LDLRAD3: variants seen among roughly 807,000 people sequenced by gnomAD.
The protein encoded by LDLRAD3 is low density lipoprotein receptor class A domain containing 3, also known as low-density lipoprotein receptor class A domain-containing protein 3.
In LDLRAD3, 20 loss-of-function variants were observed where a neutral mutation model predicts 29.4. That is an observed-to-expected ratio of 0.68 (90% CI 0.48 to 0.99). LDLRAD3 has a LOEUF of 0.99. LDLRAD3 is among the 50% of genes least tolerant of loss of function. LDLRAD3 has a pLI of 0.00. For synonymous variants in LDLRAD3, 157 were observed against 192.7 expected, an observed-to-expected ratio of 0.81 and a Z score of 1.53; for missense variants, 420 against 454.3, an observed-to-expected ratio of 0.92 and a Z score of 0.69.
At chr11:36,068,057 C>A (rs79242720) in intron 2 of LDLRAD3, among the ~76,000 whole-genome samples, 1 of 151,646 alleles carries the variant, frequency 6.6e-6, no homozygotes, top group African/African-American at 2.4e-5. Flanking sequence ...GTCTCTTTTT[C>A]GTTCTCTTTC....
intron 4 of LDLRAD3, among the ~76,000 whole-genome samples, chr11:36,210,422 G>A (rs1425859572): frequency 6.6e-6 from 1 of 152,054 alleles, no homozygotes; most frequent in Non-Finnish European, 1.5e-5. Flanking sequence ...TGTCTTAGGT[G>A]TTTCGAGGGC....
chr11:36,074,045 C>T (rs562509362), intron 2 of LDLRAD3, among the ~76,000 whole-genome samples: 13 of 152,278 alleles, frequency 8.5e-5, no homozygotes, highest in South Asian at 4.1e-4. Flanking sequence ...TGAAACAGAG[C>T]GCAATGCTTA....
chr11:36,077,887 C>T (rs546691764), intron 2 of LDLRAD3, among the ~76,000 whole-genome samples: 33 of 152,294 alleles, frequency 2.2e-4, no homozygotes, highest in African/African-American at 7.2e-4. Flanking sequence ...TTAGCCTTGC[C>T]ATTCAGTGAG....
rs144456207 is a variant in LDLRAD3, at chr11:35,965,691, G to A, written c.46+21547G>A. On this transcript the variant is annotated intron_variant, in intron 1 of 5. Transcript: ENST00000315571. ...AAGATTTATTTAGCATCTGCCAGGC[G>A]TATGTTAGGAGAGAGGTCTGTCTCA... Among the ~76,000 whole-genome samples, 6 of 152,246 alleles carry A rather than the reference G, an allele frequency of 3.9e-5. No homozygotes were observed. The East Asian group carries it at 5.8e-4, about 15-fold the overall frequency.
chr11:36,038,972 T>TTTC (rs71944048), intron 2 of LDLRAD3, among the ~76,000 whole-genome samples: 64,496 of 109,360 alleles, frequency 0.59, 16,875 homozygotes, highest in Admixed American at 0.67. Context: ...AATTTCTTTC[T>TTTC]TTTTTTTTTT....
At chr11:36,218,982 C>A (rs1855390625) in intron 4 of LDLRAD3, among the ~76,000 whole-genome samples, 1 of 152,196 alleles carries the variant, frequency 6.6e-6, no homozygotes, top group African/African-American at 2.4e-5. Context: ...CGTGTGTGTA[C>A]AAGCATAGGG....
At chr11:36,192,940 G>C (rs550285341) in intron 4 of LDLRAD3, among the ~76,000 whole-genome samples, 1 of 152,232 alleles carries the variant, frequency 6.6e-6, no homozygotes, top group Non-Finnish European at 1.5e-5. Context: ...CTAGCTGGGT[G>C]CAACTCAGAG....
At chr11:36,096,836 G>A (rs1853368465) in intron 3 of LDLRAD3, among the ~76,000 whole-genome samples, 1 of 152,240 alleles carries the variant, frequency 6.6e-6, no homozygotes, top group African/African-American at 2.4e-5. Context: ...AAATCATGTA[G>A]AGGGTCCTGT....
rs191617163 is a variant in LDLRAD3 at position 36,013,898 on chromosome 11, C to T, written c.47-22205C>T. ...CTGCTGCCCCATAGATAAGTGTTGT[C>T]CGCTAGGATCAGGAAGACATTGGTG... On this transcript the variant is annotated intron_variant, in intron 1 of 5. Coordinates refer to ENST00000315571, the MANE Select transcript of LDLRAD3 (RefSeq NM_174902.4). 1.4e-4 allele frequency among the ~76,000 whole-genome samples: 21 copies of T among 152,242 alleles called. No individual in the cohort carries two copies. The East Asian group carries it at 4.1e-3, about 29-fold the overall frequency.
intron 4 of LDLRAD3, among the ~76,000 whole-genome samples, chr11:36,181,660 A>C (rs1156887575): frequency 6.6e-6 from 1 of 152,180 alleles, no homozygotes; most frequent in Non-Finnish European, 1.5e-5. Flanking sequence ...AAATTAAATT[A>C]AAATCGACTA....
intron 4 of LDLRAD3, among the ~76,000 whole-genome samples, chr11:36,139,764 G>A (rs1854053754): frequency 6.6e-6 from 1 of 152,178 alleles, no homozygotes; most frequent in Non-Finnish European, 1.5e-5. Flanking sequence ...ATTATCTCCA[G>A]GAGACGAGGG....
intron 1 of LDLRAD3, among the ~76,000 whole-genome samples, chr11:35,951,813 G>A (rs1478746792): frequency 6.6e-6 from 1 of 152,176 alleles, no homozygotes; most frequent in African/African-American, 2.4e-5. Context: ...ATAACTGGAG[G>A]GAAGTGACGA....
At chr11:36,191,926 T>C (rs2133366845) in intron 4 of LDLRAD3, among the ~76,000 whole-genome samples, 1 of 152,156 alleles carries the variant, frequency 6.6e-6, no homozygotes, top group East Asian at 1.9e-4. Context: ...GTGGCAGAGA[T>C]GGTAATAAAC....
At chr11:35,978,159 A>G (rs1311665151) in intron 1 of LDLRAD3, among the ~76,000 whole-genome samples, 1 of 152,210 alleles carries the variant, frequency 6.6e-6, no homozygotes, top group Non-Finnish European at 1.5e-5. Flanking sequence ...CTCCCAAGTG[A>G]TGCAAGGTAA....
intron 2 of LDLRAD3, among the ~76,000 whole-genome samples, chr11:36,076,797 A>G (rs1853018265): frequency 6.6e-6 from 1 of 152,120 alleles, no homozygotes; most frequent in Non-Finnish European, 1.5e-5. Flanking sequence ...AGAATTGATG[A>G]CCCATACCCT....
chr11:36,228,227 A>G (rs776434715), intron 5 of LDLRAD3, among the ~76,000 whole-genome samples: 14 of 152,156 alleles, frequency 9.2e-5, no homozygotes, highest in Non-Finnish European at 1.6e-4. Flanking sequence ...CTCTTACATT[A>G]TTGAATCTTC....
intron 1 of LDLRAD3, among the ~76,000 whole-genome samples, chr11:35,993,541 T>G (rs1372668742): frequency 6.6e-6 from 1 of 150,692 alleles, no homozygotes; most frequent in African/African-American, 2.4e-5. Flanking sequence ...TAGGGGATCA[T>G]AGAAAATGAA....
chr11:36,102,410 G>A (rs1853463277), intron 4 of LDLRAD3, among the ~76,000 whole-genome samples: 1 of 152,192 alleles, frequency 6.6e-6, no homozygotes, highest in South Asian at 2.1e-4. Context: ...CAGAAAGAGA[G>A]TGCTTGAAAT....
At chr11:36,103,839 G>A (rs1206598806) in intron 4 of LDLRAD3, among the ~76,000 whole-genome samples, 1 of 152,050 alleles carries the variant, frequency 6.6e-6, no homozygotes, top group African/African-American at 2.4e-5. Flanking sequence ...ATGTCCTCAC[G>A]GTCCATCCAT....
Sources: gnomAD v4.1 joint callset for allele counts (sites outside exome capture counted in the v4.1 genomes callset) on GRCh38, gnomAD v4.1.1 for gene constraint, MANE v1.5 for transcripts, NCBI Gene and HGNC (gene_info 2026-07-23, HGNC 2026-07-21) for gene names.